The following SPIRE1 variants were observed in gnomAD, a reference collection of about 807,000 sequenced individuals.
SPIRE1 encodes spire type actin nucleation factor 1, also known as protein spire homolog 1.
SPIRE1 carries 40 observed loss-of-function variants against 94.1 expected under a neutral mutation model. That is an observed-to-expected ratio of 0.43 (90% confidence interval 0.33 to 0.55). SPIRE1 has a LOEUF of 0.55. SPIRE1 is among the 20% of genes least tolerant of loss of function. SPIRE1 has a pLI of 0.06. For synonymous variants in SPIRE1, 376 were observed against 371.7 expected, an observed-to-expected ratio of 1.01 and a Z score of -0.13; for missense variants, 838 against 975.2, an observed-to-expected ratio of 0.86 and a Z score of 1.87.
chr18:12,597,364 C>T (rs1184260027), intron 2 of SPIRE1, among the ~76,000 whole-genome samples: 1 of 152,146 alleles, frequency 6.6e-6, no homozygotes, highest in African/African-American at 2.4e-5. Context: ...AGAGCACACA[C>T]ACAGGGAAGG....
chr18:12,452,922 C>T, intron 14 of SPIRE1, 146 bp downstream of exon 14: 1 of 606,768 alleles, frequency 1.6e-6, no homozygotes, highest in South Asian at 2.4e-5. Context: ...ATATTCCTAA[C>T]CTACAAGGAT....
chr18:12,469,004 C>A (rs1347018844), intron 10 of SPIRE1, among the ~76,000 whole-genome samples: 2 of 152,120 alleles, frequency 1.3e-5, no homozygotes, highest in Non-Finnish European at 2.9e-5. Flanking sequence ...GTCGAGGCTG[C>A]AATGAGCTGT....
At position 12,657,596 on chromosome 18, in the gene SPIRE1, A is replaced by C; in HGVS notation, c.271T>G (p.Trp91Gly). 1 of 1,266,846 alleles carries C rather than the reference A, an allele frequency of 7.9e-7. No individual in the cohort carries two copies. The highest frequency in any genetic ancestry group is 9.9e-7 in the Non-Finnish European group (1 of 1,010,168). The allele number at this position is 1,266,846 out of a possible 1,614,324, so 78.5% of individuals were successfully genotyped here. A position where few individuals can be genotyped will look rare whatever the true frequency, so the allele number is the denominator to read the frequency against. ...RVRSAAQIRV[W>G]RDGAVTLAPA... ...GCCAGGGTGACGGCGCCGTCCCTCC[A>C]GACGCGGATCTGCGCGGCCGAGCGC... Residue 91 changes from tryptophan to glycine, a missense_variant, in exon 1 of 17, where the codon TGG (tryptophan) becomes GGG (glycine). This residue lies in a region of SPIRE1 where 193 missense variants were observed against 170.5 expected (regional missense o/e 1.13). Transcript: ENST00000409402.
Position 12,532,871 on chromosome 18 carries a change from G to A in SPIRE1, c.729+2605C>T, listed in dbSNP as rs1478196561. 2.0e-5 allele frequency among the ~76,000 whole-genome samples: 3 copies of A among 152,300 alleles called. No homozygotes were observed. The East Asian group carries it at 5.8e-4, about 29-fold the overall frequency. Reference sequence around the variant, plus strand: ...CTCAAGATGAGAGAAGTGATGACAGGAGCTTCAAAGGAAGAAGGGTGTTTC... The same window carrying A: ...CTCAAGATGAGAGAAGTGATGACAGAAGCTTCAAAGGAAGAAGGGTGTTTC... On this transcript the variant is annotated intron_variant, in intron 4 of 16. Coordinates refer to ENST00000409402, the MANE Select transcript of SPIRE1 (RefSeq NM_001128626.2).
chr18:12,468,545 A>G lies in SPIRE1; in HGVS notation c.1405-3587T>C, dbSNP rs74797564. On this transcript the variant is annotated intron_variant, in intron 10 of 16. Transcript: ENST00000409402. Reference sequence around the variant, plus strand: ...TCCACCACTGCATCTGATCTTTAAAATGACTACTCAATGTCTGATGGTCCT... The same window carrying G: ...TCCACCACTGCATCTGATCTTTAAAGTGACTACTCAATGTCTGATGGTCCT... Among the ~76,000 whole-genome samples, 723 of 152,306 alleles carry G rather than the reference A, an allele frequency of 4.7e-3. 3 individuals are homozygous for G. The highest frequency in any genetic ancestry group is 0.012 in the South Asian group (58 of 4,820).
At chr18:12,593,009 T>G (rs1030709728) in intron 2 of SPIRE1, among the ~76,000 whole-genome samples, 2 of 152,256 alleles carry the variant, frequency 1.3e-5, no homozygotes, top group Non-Finnish European at 2.9e-5. Flanking sequence ...GTGGTTTTAC[T>G]GTCTAATGTT....
At chr18:12,576,738 A>C (rs1255610676) in intron 2 of SPIRE1, among the ~76,000 whole-genome samples, 1 of 151,472 alleles carries the variant, frequency 6.6e-6, no homozygotes, top group Non-Finnish European at 1.5e-5. Context: ...AAATACAAAA[A>C]ATTAGCCAGG....
chr18:12,603,333 T>C (rs192978823), intron 2 of SPIRE1, among the ~76,000 whole-genome samples: 2 of 152,154 alleles, frequency 1.3e-5, no homozygotes, highest in Admixed American at 6.5e-5. Flanking sequence ...ATGTGATATT[T>C]TGAAATACAT....
chr18:12,588,862 A>G (rs1256101670), intron 2 of SPIRE1, among the ~76,000 whole-genome samples: 2 of 152,154 alleles, frequency 1.3e-5, no homozygotes, highest in East Asian at 1.9e-4. Flanking sequence ...CCTACTTTAG[A>G]TATAGTCAGA....
At chr18:12,561,405 G>A (rs371332255) in intron 2 of SPIRE1, among the ~76,000 whole-genome samples, 1 of 152,036 alleles carries the variant, frequency 6.6e-6, no homozygotes, top group Admixed American at 6.5e-5. Context: ...GAGTAGCTGG[G>A]ATTACAGGCA....
rs540443945 is a variant in SPIRE1, at chr18:12,590,859, C to A, written c.373-43955G>T. 1.1e-4 allele frequency among the ~76,000 whole-genome samples: 16 copies of A among 152,284 alleles called. No homozygotes were observed. In the South Asian group the frequency reaches 2.3e-3, roughly 22 times the overall value. ...TGTACAGTTTGTAAAATGGGTTATG[C>A]AACTGTCATGATTTCTTTGGCCTTA... On this transcript the variant is annotated intron_variant, in intron 2 of 16. Transcript: ENST00000409402.
intron 8 of SPIRE1, among the ~76,000 whole-genome samples, chr18:12,492,751 G>A (rs940765159): frequency 1.3e-5 from 2 of 152,158 alleles, no homozygotes; most frequent in Non-Finnish European, 2.9e-5. Flanking sequence ...ATGATGCTCA[G>A]AGAGGTAAAG....
At chr18:12,618,071 T>C (rs1189180045) in intron 2 of SPIRE1, among the ~76,000 whole-genome samples, 2 of 152,154 alleles carry the variant, frequency 1.3e-5, no homozygotes, top group African/African-American at 4.8e-5. Flanking sequence ...TCCCCCTAGA[T>C]AACAGGTTCA....
chr18:12,657,508 G>A, intron 1 of SPIRE1, 22 bp downstream of exon 1: 8 of 1,229,598 alleles, frequency 6.5e-6, no homozygotes, highest in Non-Finnish European at 8.1e-6. Context: ...AACTACGAGG[G>A]AAAGGGGCCC....
At chr18:12,624,141 C>T (rs555819075) in intron 2 of SPIRE1, among the ~76,000 whole-genome samples, 90 of 151,330 alleles carry the variant, frequency 5.9e-4, no homozygotes, top group Non-Finnish European at 1.0e-3. Context: ...CAGCTGGTCT[C>T]GAACTCCTGA....
upstream of SPIRE1, chr18:12,658,121 G>A (rs1241708857): frequency 1.5e-4 from 146 of 965,674 alleles, no homozygotes; most frequent in Non-Finnish European, 1.7e-4. Context: ...GCCCCGCCCC[G>A]CCCCGCCCCG....
intron 5 of SPIRE1, 31 bp from the exon 6 acceptor site, chr18:12,506,672 T>C (rs745630916): frequency 1.9e-6 from 3 of 1,603,030 alleles, no homozygotes; most frequent in Non-Finnish European, 2.6e-6. Context: ...GAGACATCAA[T>C]GAATAAATGT....
chr18:12,562,680 A>T (rs539626052), intron 2 of SPIRE1, among the ~76,000 whole-genome samples: 125 of 112,308 alleles, frequency 1.1e-3, no homozygotes, highest in African/African-American at 4.2e-3. Flanking sequence ...GCTAGTTTTT[A>T]AAAAAATTTT....
intron 10 of SPIRE1, among the ~76,000 whole-genome samples, chr18:12,478,601 T>C (rs1407288366): frequency 6.6e-6 from 1 of 151,418 alleles, no homozygotes; most frequent in Admixed American, 6.6e-5. Context: ...TGTGTGTGTG[T>C]AGCTAGGGTG....
Sources: allele counts gnomAD v4.1 joint callset (sites outside exome capture counted in the v4.1 genomes callset), GRCh38; gene constraint gnomAD v4.1.1; regional missense constraint gnomAD v4.1.1; transcripts MANE v1.5; gene names NCBI Gene and HGNC (gene_info 2026-07-23, HGNC 2026-07-21).